The following CADM2 variants were observed in gnomAD, a reference collection of about 807,000 sequenced individuals.
The protein encoded by CADM2 is cell adhesion molecule 2, also known as immunoglobulin superfamily member 4D.
Under a neutral mutation model 49.8 loss-of-function variants are expected in CADM2, and 12 were observed. The ratio of observed to expected loss-of-function variants is 0.24; its 90% CI spans 0.15 to 0.39. CADM2 has a LOEUF of 0.39. Among genes scored for constraint, CADM2 ranks in the 10% least tolerant of loss-of-function variants. CADM2 has a pLI of 1.00. For synonymous variants in CADM2, 214 were observed against 175.4 expected (o/e 1.22, Z -1.74); for missense variants, 378 against 492.3 (o/e 0.77, Z 2.20).
At chr3:85,573,727 A>G (rs1194142334) in intron 1 of CADM2, among the ~76,000 whole-genome samples, 2 of 152,156 alleles carry the variant, frequency 1.3e-5, no homozygotes, top group African/African-American at 2.4e-5. Context: ...AAATTGTGAC[A>G]TTCACAGTGG....
chr3:85,260,621 A>G (rs935873364), intron 1 of CADM2, among the ~76,000 whole-genome samples: 1 of 152,168 alleles, frequency 6.6e-6, no homozygotes, highest in African/African-American at 2.4e-5. Flanking sequence ...CACCTTTGAC[A>G]GACATTCACA....
At chr3:85,126,194 CAG>C (rs2039027244) in intron 1 of CADM2, among the ~76,000 whole-genome samples, 1 of 152,078 alleles carries the variant, frequency 6.6e-6, no homozygotes, top group African/African-American at 2.4e-5. Flanking sequence ...TGTATACAGG[CAG>C]AGTTTTCCCC....
chr3:85,267,967 C>T (rs958512961), intron 1 of CADM2, among the ~76,000 whole-genome samples: 1 of 151,568 alleles, frequency 6.6e-6, no homozygotes, highest in Non-Finnish European at 1.5e-5. Flanking sequence ...ATGTATTAGG[C>T]ACTATGTAAA....
At chr3:85,621,723 A>T (rs960711663) in intron 1 of CADM2, among the ~76,000 whole-genome samples, 2 of 152,128 alleles carry the variant, frequency 1.3e-5, no homozygotes, top group Non-Finnish European at 2.9e-5. Flanking sequence ...TGTGATTTGG[A>T]TAATGAACAC....
At chr3:85,492,583 A>T (rs1200475410) in intron 1 of CADM2, among the ~76,000 whole-genome samples, 2 of 152,080 alleles carry the variant, frequency 1.3e-5, no homozygotes, top group Non-Finnish European at 2.9e-5. Context: ...GCGGGACTCC[A>T]TTTAAAAAAA....
At chr3:85,508,731 G>C (rs1366194472) in intron 1 of CADM2, among the ~76,000 whole-genome samples, 1 of 152,044 alleles carries the variant, frequency 6.6e-6, no homozygotes, top group Non-Finnish European at 1.5e-5. Context: ...CAGTAGTTTA[G>C]GACTTTAGAG....
intron 1 of CADM2, among the ~76,000 whole-genome samples, chr3:85,456,402 C>T (rs1018537840): frequency 3.9e-5 from 6 of 152,096 alleles, no homozygotes; most frequent in African/African-American, 1.4e-4. Context: ...TTAGGTTTCA[C>T]ATGTGAGAAG....
At chr3:84,986,903 T>C (rs573657450) in intron 1 of CADM2, among the ~76,000 whole-genome samples, 45 of 151,102 alleles carry the variant, frequency 3.0e-4, no homozygotes, top group Non-Finnish European at 5.9e-4. Flanking sequence ...AATACAAAAA[T>C]TAGCTGGGTG....
intron 1 of CADM2, among the ~76,000 whole-genome samples, chr3:85,316,516 G>A (rs1000372740): frequency 2.6e-5 from 4 of 152,154 alleles, no homozygotes; most frequent in African/African-American, 4.8e-5. Flanking sequence ...TGCATTTTGG[G>A]TGCTTTTGTG....
chr3:85,273,507 A>G (rs2043289800), intron 1 of CADM2, among the ~76,000 whole-genome samples: 2 of 151,334 alleles, frequency 1.3e-5, no homozygotes, highest in African/African-American at 4.8e-5. Flanking sequence ...GATTCTGGAT[A>G]AATTTTGAAT....
At chr3:85,748,542 G>A (rs1319862257) in intron 2 of CADM2, among the ~76,000 whole-genome samples, 1 of 152,038 alleles carries the variant, frequency 6.6e-6, no homozygotes, top group Non-Finnish European at 1.5e-5. Context: ...GGCCCTAGAT[G>A]CAAATAGGAT....
intron 2 of CADM2, among the ~76,000 whole-genome samples, chr3:85,742,991 A>T (rs1359932460): frequency 6.6e-6 from 1 of 151,958 alleles, no homozygotes; most frequent in Non-Finnish European, 1.5e-5. Flanking sequence ...CCTTTTTCTG[A>T]GTCTACCGAT....
intron 6 of CADM2, among the ~76,000 whole-genome samples, chr3:85,933,975 C>CA (rs1256515891): frequency 2.6e-5 from 4 of 152,104 alleles, no homozygotes; most frequent in Non-Finnish European, 5.9e-5. Context: ...TAATCTCCTC[C>CA]AAAAAACATC....
intron 1 of CADM2, among the ~76,000 whole-genome samples, chr3:85,169,844 A>G (rs150177714): frequency 1.1e-3 from 167 of 152,334 alleles, no homozygotes; most frequent in African/African-American, 3.5e-3. Context: ...ATGATTTTCA[A>G]TGATTTTCAG....
chr3:85,246,901 C>T (rs2042661662), intron 1 of CADM2, among the ~76,000 whole-genome samples: 1 of 151,968 alleles, frequency 6.6e-6, no homozygotes, highest in Non-Finnish European at 1.5e-5. Context: ...CTTATTGTTA[C>T]AGATTTTCTT....
intron 8 of CADM2, among the ~76,000 whole-genome samples, chr3:86,027,024 AG>A (rs1733979484): frequency 6.6e-6 from 1 of 152,208 alleles, no homozygotes. Flanking sequence ...ATAATACTCA[AG>A]AAAAAAAGAC....
At chr3:84,963,347 A>G (rs1372447337) in intron 1 of CADM2, among the ~76,000 whole-genome samples, 1 of 152,198 alleles carries the variant, frequency 6.6e-6, no homozygotes, top group Non-Finnish European at 1.5e-5. Context: ...ATGCCTTTCC[A>G]TGCCTGAGGG....
At chr3:86,012,499 C>A in intron 8 of CADM2, 1 of 1,075,394 alleles carries the variant, frequency 9.3e-7, no homozygotes, top group Non-Finnish European at 1.3e-6. Context: ...CCCGGACCAG[C>A]GGGCGGACTG....
chr3:85,842,785 T>C (rs2074697166), intron 3 of CADM2, among the ~76,000 whole-genome samples: 1 of 152,166 alleles, frequency 6.6e-6, no homozygotes, highest in Non-Finnish European at 1.5e-5. Context: ...ACCCTTACTG[T>C]TAACTTCTTA....
Sources: allele counts gnomAD v4.1 joint callset (sites outside exome capture counted in the v4.1 genomes callset), GRCh38; gene constraint gnomAD v4.1.1; transcripts MANE v1.5; gene names NCBI Gene and HGNC (gene_info 2026-07-23, HGNC 2026-07-21).